CTNNA2: variants seen among roughly 807,000 people sequenced by gnomAD.
The protein encoded by CTNNA2 is catenin alpha 2.
CTNNA2 carries 42 observed loss-of-function variants against 101.0 expected under a neutral mutation model. The observed-to-expected ratio is 0.42, with a 90% CI of 0.32 to 0.54. CTNNA2 has a LOEUF of 0.54. Ranked by LOEUF, CTNNA2 falls within the 20% of genes least tolerant of loss-of-function variation. The pLI is 0.14. For synonymous variants in CTNNA2, 450 were observed against 456.4 expected (o/e 0.99, Z 0.18); for missense variants, 871 against 1,223.1 (o/e 0.71, Z 4.29).
chr2:80,420,568 T>C (rs1680438371), intron 9 of CTNNA2, among the ~76,000 whole-genome samples: 1 of 152,200 alleles, frequency 6.6e-6, no homozygotes, highest in Non-Finnish European at 1.5e-5. Context: ...ATAAGTTCTT[T>C]TTTTTTTCAT....
Position 80,413,483 on chromosome 2 carries a change from C to A in CTNNA2, c.1138-5966C>A, listed in dbSNP as rs370663829. Among the ~76,000 whole-genome samples the A allele has an allele frequency of 2.0e-5, 3 of 152,180 alleles. No homozygotes were observed. The East Asian group carries it at 5.8e-4, about 29-fold the overall frequency. Reference sequence around the variant, plus strand: ...GGCTTTATAGATATGCCTCTCCTCCCGCTACCTGCTCCCACCCCAACCTGA... The same window carrying A: ...GGCTTTATAGATATGCCTCTCCTCCAGCTACCTGCTCCCACCCCAACCTGA... On this transcript the variant is annotated intron_variant, in intron 8 of 18. Transcript: ENST00000402739.
At chr2:79,818,507 G>T (rs1339942154) in intron 3 of CTNNA2, among the ~76,000 whole-genome samples, 1 of 151,310 alleles carries the variant, frequency 6.6e-6, no homozygotes, top group African/African-American at 2.4e-5. Context: ...AGTAGAGACG[G>T]GGTTTCACCA....
intron 7 of CTNNA2, among the ~76,000 whole-genome samples, chr2:80,279,831 G>A (rs1674223154): frequency 1.3e-5 from 2 of 152,036 alleles, no homozygotes; most frequent in South Asian, 2.1e-4. Flanking sequence ...ATAGGTGATT[G>A]TCTCACCCTG....
intron 2 of CTNNA2, among the ~76,000 whole-genome samples, chr2:79,288,221 G>A (rs1008113463): frequency 1.6e-4 from 25 of 152,240 alleles, no homozygotes; most frequent in Admixed American, 1.0e-3. Context: ...CGTCACTCAC[G>A]CTGGGAGCTA....
At chr2:80,232,370 T>G (rs866159206) in intron 7 of CTNNA2, among the ~76,000 whole-genome samples, 3,077 of 59,756 alleles carry the variant, frequency 0.051, 228 homozygotes, top group African/African-American at 0.11. Context: ...TTTTTTTTTT[T>G]TTTTTTTTTT....
At chr2:79,317,762 A>G (rs1264712406) in intron 3 of CTNNA2, among the ~76,000 whole-genome samples, 1 of 152,124 alleles carries the variant, frequency 6.6e-6, no homozygotes, top group Non-Finnish European at 1.5e-5. Context: ...CAAGGCCTAT[A>G]AAAGTCTTAA....
intron 6 of CTNNA2, among the ~76,000 whole-genome samples, chr2:79,904,616 A>G (rs563891188): frequency 2.6e-5 from 4 of 152,326 alleles, no homozygotes; most frequent in Non-Finnish European, 4.4e-5. Flanking sequence ...CTGAATGACC[A>G]TGGGACAACA....
At chr2:80,573,750 A>G (rs1298911494) in intron 12 of CTNNA2, among the ~76,000 whole-genome samples, 1 of 152,212 alleles carries the variant, frequency 6.6e-6, no homozygotes, top group Non-Finnish European at 1.5e-5. Flanking sequence ...TGAATCACGA[A>G]GTAGAATTTT....
chr2:79,283,160 C>G (rs71424868), intron 2 of CTNNA2, among the ~76,000 whole-genome samples: 7,110 of 66,598 alleles, frequency 0.11, 91 homozygotes, highest in East Asian at 0.24. Context: ...GGATATTAGC[C>G]CTTTGTCAGA....
rs76674415 is a variant in CTNNA2, at chr2:80,171,732, C to T, written c.1057-221479C>T. Reference sequence around the variant, plus strand: ...CATGATGCTGAAATTGCACACATCACGTCAACCCATATTCCATTGTCCCAA... The same window carrying T: ...CATGATGCTGAAATTGCACACATCATGTCAACCCATATTCCATTGTCCCAA... On this transcript the variant is annotated intron_variant, in intron 7 of 18. Coordinates refer to ENST00000402739, the MANE Select transcript of CTNNA2 (RefSeq NM_001282597.3). 4.3e-3 allele frequency among the ~76,000 whole-genome samples: 648 copies of T among 152,274 alleles called. 2 individuals are homozygous for T. The highest frequency in any genetic ancestry group is 0.015 in the African/African-American group (609 of 41,552).
At chr2:79,716,080 G>C (rs909200069) in intron 2 of CTNNA2, among the ~76,000 whole-genome samples, 1 of 152,006 alleles carries the variant, frequency 6.6e-6, no homozygotes, top group African/African-American at 2.4e-5. Context: ...AAGCCACAGG[G>C]ATATGCTCCA....
intron 3 of CTNNA2, among the ~76,000 whole-genome samples, chr2:79,839,127 T>C (rs1679611452): frequency 6.6e-6 from 1 of 152,088 alleles, no homozygotes; most frequent in Non-Finnish European, 1.5e-5. Context: ...CGTTTGGCAG[T>C]AAGTGGTCTC....
intron 7 of CTNNA2, among the ~76,000 whole-genome samples, chr2:79,921,667 A>T (rs975312618): frequency 1.4e-4 from 21 of 152,176 alleles, no homozygotes; most frequent in African/African-American, 5.1e-4. Context: ...AGCCTCATGG[A>T]TTATTCAGAA....
intron 7 of CTNNA2, among the ~76,000 whole-genome samples, chr2:80,227,190 C>G (rs1708936581): frequency 6.6e-6 from 1 of 152,088 alleles, no homozygotes; most frequent in African/African-American, 2.4e-5. Context: ...TGTATTTTTG[C>G]CACTGTGGAT....
At chr2:79,798,372 T>A (rs1333088135) in intron 3 of CTNNA2, among the ~76,000 whole-genome samples, 1 of 152,144 alleles carries the variant, frequency 6.6e-6, no homozygotes, top group East Asian at 1.9e-4. Context: ...GACTTTCCAA[T>A]CCTCATGGAT....
At chr2:80,485,522 G>C (rs950766224) in intron 9 of CTNNA2, among the ~76,000 whole-genome samples, 1 of 152,066 alleles carries the variant, frequency 6.6e-6, no homozygotes, top group Non-Finnish European at 1.5e-5. Flanking sequence ...TGAATGAAAA[G>C]GTCAGACAGT....
chr2:80,141,464 A>G (rs942864628), intron 7 of CTNNA2, among the ~76,000 whole-genome samples: 30 of 152,226 alleles, frequency 2.0e-4, no homozygotes, highest in Non-Finnish European at 3.7e-4. Context: ...AGGGAGAAAC[A>G]TTAAAGGGAG....
chr2:79,689,871 A>G (rs1489914606), intron 2 of CTNNA2, among the ~76,000 whole-genome samples: 1 of 152,060 alleles, frequency 6.6e-6, no homozygotes, highest in Non-Finnish European at 1.5e-5. Flanking sequence ...AAAGCTAAAG[A>G]AAGAATGTGT....
At chr2:79,435,354 C>T (rs1678702332) in intron 4 of CTNNA2, among the ~76,000 whole-genome samples, 1 of 152,072 alleles carries the variant, frequency 6.6e-6, no homozygotes, top group Non-Finnish European at 1.5e-5. Flanking sequence ...GTTTTGTGTG[C>T]ATTGGGGTGT....
Sources: gnomAD v4.1 joint callset for allele counts (sites outside exome capture counted in the v4.1 genomes callset) on GRCh38, gnomAD v4.1.1 for gene constraint, MANE v1.5 for transcripts, NCBI Gene and HGNC (gene_info 2026-07-23, HGNC 2026-07-21) for gene names.